Variants in LRRC4B observed in about 807,000 individuals in gnomAD.
The protein encoded by LRRC4B is leucine-rich repeat-containing protein 4B.
In LRRC4B, 1 loss-of-function variant was observed where a neutral mutation model predicts 7.3. The ratio of observed to expected loss-of-function variants is 0.14; its 90% confidence interval spans 0.05 to 0.65. The LOEUF (loss-of-function observed/expected upper bound fraction) is 0.65. Ranked by LOEUF, LRRC4B falls within the 30% of genes least tolerant of loss-of-function variation. The pLI is 0.84. For synonymous variants in LRRC4B, 500 were observed against 499.2 expected (o/e 1.00, Z -0.02); for missense variants, 730 against 1,041.6 (o/e 0.70, Z 4.12).
chr19:50,520,693 T>C (rs140047817), intron 2 of LRRC4B, among the ~76,000 whole-genome samples: 1 of 152,132 alleles, frequency 6.6e-6, no homozygotes, highest in East Asian at 1.9e-4. Context: ...TCCCAGCACT[T>C]TGGGAGGCCA....
intron 1 of LRRC4B, among the ~76,000 whole-genome samples, chr19:50,564,970 C>A (rs960749319): frequency 2.6e-5 from 4 of 152,110 alleles, no homozygotes; most frequent in African/African-American, 9.7e-5. Context: ...CATGTGTGCA[C>A]AGGCTCTGCT....
Position 50,548,682 on chromosome 19 carries a change from G to A in LRRC4B, c.157C>T (p.Pro53Ser). 6.4e-7 allele frequency: 1 copy of A among 1,553,558 alleles called. No homozygotes were observed. The highest frequency in any genetic ancestry group is 1.2e-5 in the South Asian group (1 of 85,012). The change falls in exon 2 of 3, where the codon CCG becomes TCG. Residue 53 changes from proline to serine, a missense_variant. Around this residue, in one of 6 missense-constraint regions of LRRC4B, gnomAD observed 143 missense variants for 158.4 expected, o/e 0.90. Coordinates refer to ENST00000652263, the MANE Select transcript of LRRC4B (RefSeq NM_001080457.2). The surrounding 1 kb of genome is among the most constrained non-coding windows in gnomAD (Gnocchi z 6.8). ...CAGGCCACGGGGCAGGAGGTGGCCG[G>A]CGGGGAGCCCCCTCCGGCGGCAGAC... ...VTSAAGGGSP[P>S]ATSCPVACSC...
At chr19:50,564,157 G>A (rs918680726) in intron 1 of LRRC4B, among the ~76,000 whole-genome samples, 4 of 152,174 alleles carry the variant, frequency 2.6e-5, no homozygotes, top group Non-Finnish European at 5.9e-5. Flanking sequence ...GGAGAGTGGG[G>A]AGTGGTGGCC....
intron 2 of LRRC4B, among the ~76,000 whole-genome samples, chr19:50,522,482 A>G (rs1300693246): frequency 5.3e-5 from 8 of 149,978 alleles, no homozygotes; most frequent in African/African-American, 1.5e-4. Context: ...TTATTTATTT[A>G]TTTATTTATT....
rs1601373737 is a variant in LRRC4B at position 50,523,848 on chromosome 19, A to C, written c.298-4433T>G. On this transcript the variant is annotated intron_variant, in intron 2 of 2. Coordinates refer to ENST00000652263, the MANE Select transcript of LRRC4B (RefSeq NM_001080457.2). ...GTGGCAGGTGCCTGTAATCCCAGCT[A>C]CTTGGGAGGCTGAGGCAGGAGAATC... is the stretch of plus-strand genomic sequence containing the variant. Among the ~76,000 whole-genome samples, 3 of 149,542 alleles carry C rather than the reference A, an allele frequency of 2.0e-5. No homozygotes were observed. In the South Asian group the frequency reaches 6.4e-4, roughly 32 times the overall value.
At chr19:50,554,370 C>T (rs113499976) in intron 1 of LRRC4B, among the ~76,000 whole-genome samples, 1 of 152,058 alleles carries the variant, frequency 6.6e-6, no homozygotes, top group African/African-American at 2.4e-5. Context: ...ACCCTCCGTG[C>T]CCCAGCACCA....
At position 50,518,122 on chromosome 19, in the gene LRRC4B, C is replaced by T. The variant is rs1047678199; in HGVS notation, c.1591G>A (p.Ala531Thr). 6 of 1,593,160 alleles carry T rather than the reference C, an allele frequency of 3.8e-6. No individual in the cohort carries two copies. In the African/African-American group the frequency reaches 4.1e-5, roughly 11 times the overall value. ...GTGGTAGAAGACGAGGCAGGGCCGG[C>T]CGCGTCCCCAGGCCGGCCCCCACCC... ...VWGGGRPGDAAGPASSSTTAP... is the reference protein window; with the variant it reads ...VWGGGRPGDATGPASSSTTAP... The change falls in exon 3 of 3, where the codon GCC becomes ACC. Residue 531 changes from alanine to threonine, a missense_variant. By Grantham distance (58) the Ala-to-Thr change is moderately conservative. This residue lies in a region of LRRC4B where 192 missense variants were observed against 228.6 expected (regional missense o/e 0.84). Transcript: ENST00000652263.
At chr19:50,549,854 T>C (rs1981978998) in intron 1 of LRRC4B, among the ~76,000 whole-genome samples, 1 of 152,032 alleles carries the variant, frequency 6.6e-6, no homozygotes, top group East Asian at 1.9e-4. Context: ...CCGAGCTTGG[T>C]TCTCGGGGAG....
At chr19:50,525,049 G>A (rs1278175366) in intron 2 of LRRC4B, among the ~76,000 whole-genome samples, 1 of 152,324 alleles carries the variant, frequency 6.6e-6, no homozygotes, top group South Asian at 2.1e-4. Context: ...TCCCCGTCTC[G>A]CTCGGCCACC....
At chr19:50,522,451 T>TTTTA (rs1435634390) in intron 2 of LRRC4B, among the ~76,000 whole-genome samples, 20 of 124,444 alleles carry the variant, frequency 1.6e-4, no homozygotes, top group South Asian at 1.1e-3. Flanking sequence ...TGTGAAGCTA[T>TTTTA]TTTATTTATT....
In LRRC4B at chr19:50,553,142, C is replaced by T. The variant is rs1473030447; in HGVS notation, c.-35-4269G>A. 5.3e-5 allele frequency among the ~76,000 whole-genome samples: 8 copies of T among 152,182 alleles called. No individual in the cohort carries two copies. The highest frequency in any genetic ancestry group is 1.9e-4 in the East Asian group (1 of 5,182). On this transcript the variant is annotated intron_variant, in intron 1 of 2. Transcript: ENST00000652263. The surrounding 1 kb of genome is among the most constrained non-coding windows in gnomAD (Gnocchi z 4.2). ...CAGAATCAGAGGATCTTTCTCCCCACGCCCAGGCTACTTCCCTGACCTGGC... is the reference window on the plus strand; with the variant it reads ...CAGAATCAGAGGATCTTTCTCCCCATGCCCAGGCTACTTCCCTGACCTGGC...
At chr19:50,559,313 A>T (rs939959560) in intron 1 of LRRC4B, among the ~76,000 whole-genome samples, 3 of 152,124 alleles carry the variant, frequency 2.0e-5, no homozygotes, top group African/African-American at 4.8e-5. Flanking sequence ...GGGCGTCCAT[A>T]ATCCCAGCTA....
In LRRC4B at chr19:50,518,018, G is replaced by T. The variant is rs367866872; in HGVS notation, c.1695C>A (p.Leu565=). ...TCTTCATGACGTCGTCCAGGTCCTT[G>T]AGGGCGTTCTCCGTCACATCCGTGA... ...VPITDVTENA[L]KDLDDVMKTT... Residue 565 remains leucine (L), a synonymous_variant, in exon 3 of 3, where the codon CTC becomes CTA. Coordinates refer to ENST00000652263, the MANE Select transcript of LRRC4B (RefSeq NM_001080457.2). 4 of 1,549,692 alleles carry T rather than the reference G, an allele frequency of 2.6e-6. No individual in the cohort carries two copies. The highest frequency in any genetic ancestry group is 3.5e-6 in the Non-Finnish European group (4 of 1,151,764).
At chr19:50,559,995 C>T (rs960891077) in intron 1 of LRRC4B, among the ~76,000 whole-genome samples, 5 of 152,146 alleles carry the variant, frequency 3.3e-5, no homozygotes, top group Non-Finnish European at 5.9e-5. Context: ...ATTAGCTGGG[C>T]GTGGAGGCAC....
In LRRC4B at chr19:50,563,332, T is replaced by A. The variant is rs539901646; in HGVS notation, c.-36+4612A>T. The stretch of plus-strand genomic sequence containing the variant: ...CCAGCCCAGCCTCAGGAACTGGGAC[T>A]CGAAGGGAAGGGAGGTTCTCCCCAG... On this transcript the variant is annotated intron_variant, in intron 1 of 2. Coordinates refer to ENST00000652263, the MANE Select transcript of LRRC4B (RefSeq NM_001080457.2). This position sits in a 1 kb window ranked among gnomAD's most constrained non-coding sequence, Gnocchi z 4.9. 1.1e-4 allele frequency among the ~76,000 whole-genome samples: 17 copies of A among 152,208 alleles called. No individual in the cohort carries two copies. Among genetic ancestry groups the A allele is most frequent in the African/African-American group, 3.9e-4 (16 of 41,524 alleles).
chr19:50,552,482 C>A (rs995722380), intron 1 of LRRC4B, among the ~76,000 whole-genome samples: 1 of 152,266 alleles, frequency 6.6e-6, no homozygotes, highest in East Asian at 1.9e-4. Flanking sequence ...CTGACATCCA[C>A]CTCCTGACAC....
chr19:50,528,728 G>A (rs1383820980), intron 2 of LRRC4B, among the ~76,000 whole-genome samples: 1 of 152,204 alleles, frequency 6.6e-6, no homozygotes, highest in East Asian at 1.9e-4. Flanking sequence ...AGACCTCCGT[G>A]AATGCTATTT....
chr19:50,547,257 C>T (rs549499597), intron 2 of LRRC4B, among the ~76,000 whole-genome samples: 2 of 152,202 alleles, frequency 1.3e-5, no homozygotes, highest in African/African-American at 4.8e-5. Context: ...GGTGATGTGA[C>T]GACGCCCCTG....
chr19:50,557,142 G>GAAC (rs1982305426), intron 1 of LRRC4B, among the ~76,000 whole-genome samples: 1 of 152,138 alleles, frequency 6.6e-6, no homozygotes, highest in South Asian at 2.1e-4. Context: ...GGGAAAGAGT[G>GAAC]AACAGATAAA....
Sources: allele counts gnomAD v4.1 joint callset (sites outside exome capture counted in the v4.1 genomes callset), GRCh38; gene constraint gnomAD v4.1.1; regional missense constraint gnomAD v4.1.1; non-coding constraint Gnocchi (gnomAD v3.1); transcripts MANE v1.5; gene names NCBI Gene and HGNC (gene_info 2026-07-23, HGNC 2026-07-21).